Variants in MYO18B observed in about 807,000 individuals in gnomAD.
MYO18B encodes the protein myosin XVIIIB.
A neutral mutation model predicts 273.0 loss-of-function variants in MYO18B; 204 were observed. The observed-to-expected ratio is 0.75, with a 90% CI of 0.67 to 0.84. The LOEUF is 0.84. Ranked by LOEUF, MYO18B falls within the 40% of genes least tolerant of loss-of-function variation. The pLI is 0.00. For missense variants in MYO18B, 3,212 were observed against 3,287.6 expected, an observed-to-expected ratio of 0.98 and a Z score of 0.56; for synonymous variants, 1,330 against 1,305.7, an observed-to-expected ratio of 1.02 and a Z score of -0.40.
intron 12 of MYO18B, among the ~76,000 whole-genome samples, chr22:25,798,791 C>G (rs2088046851): frequency 6.6e-6 from 1 of 152,024 alleles, no homozygotes; most frequent in African/African-American, 2.4e-5. Context: ...TCTCAAACTC[C>G]TAGGCTCAAG....
chr22:25,940,276 A>T (rs144939133), intron 34 of MYO18B, among the ~76,000 whole-genome samples: 136 of 113,198 alleles, frequency 1.2e-3, no homozygotes, highest in African/African-American at 4.4e-3. Context: ...GTGATAGTGA[A>T]TAAGTCTCAC....
intron 39 of MYO18B, among the ~76,000 whole-genome samples, chr22:25,958,882 AC>A (rs2092885185): frequency 6.6e-6 from 1 of 152,186 alleles, no homozygotes; most frequent in African/African-American, 2.4e-5. Flanking sequence ...TCTCTAAACT[AC>A]ACTAAAATCC....
At chr22:25,979,272 A>G (rs2093125169) in intron 39 of MYO18B, among the ~76,000 whole-genome samples, 1 of 152,232 alleles carries the variant, frequency 6.6e-6, no homozygotes, top group Non-Finnish European at 1.5e-5. Flanking sequence ...ACCAGCTGGA[A>G]CAATGGCAGT....
chr22:25,974,613 G>A (rs535767675), intron 39 of MYO18B, among the ~76,000 whole-genome samples: 11 of 152,274 alleles, frequency 7.2e-5, no homozygotes, highest in Admixed American at 4.6e-4. Context: ...GAAAGAAGCC[G>A]CAGATAATGC....
rs1218941671 is a variant in MYO18B, at chr22:25,774,365, C to T, written c.1869+1855C>T. The stretch of plus-strand genomic sequence containing the variant: ...TGCTTAGGCTTCTGTTGCTGCAGCC[C>T]AAGGCCTCTGAGCTGTCCACATTGC... On this transcript the variant is annotated intron_variant, in intron 7 of 43. Coordinates refer to ENST00000335473, the MANE Select transcript of MYO18B (RefSeq NM_032608.7). Among the ~76,000 whole-genome samples, 3 of 152,190 alleles carry T rather than the reference C, an allele frequency of 2.0e-5. 1 individual carries two copies. Among genetic ancestry groups the T allele is most frequent in the Admixed American group, 2.0e-4 (3 of 15,288 alleles).
chr22:25,839,030 A>G lies in MYO18B; in HGVS notation c.3208+3587A>G, dbSNP rs561516094. 2.9e-4 allele frequency among the ~76,000 whole-genome samples: 44 copies of G among 151,556 alleles called. No homozygotes were observed. In the South Asian group the frequency reaches 8.9e-3, roughly 31 times the overall value. ...TATGTGTGTGTGCACCTGTGTGTGTATGTATGAGTGTATACATGTGTGTGC... is the reference window on the plus strand; with the variant it reads ...TATGTGTGTGTGCACCTGTGTGTGTGTGTATGAGTGTATACATGTGTGTGC... On this transcript the variant is annotated intron_variant, in intron 17 of 43. Transcript: ENST00000335473.
intron 34 of MYO18B, among the ~76,000 whole-genome samples, chr22:25,931,899 GTTGT>G (rs1230077645): frequency 3.4e-5 from 5 of 148,348 alleles, no homozygotes; most frequent in African/African-American, 1.3e-4. Flanking sequence ...AATTTTTGTT[GTTGT>G]TTGTTTGTTT....
intron 18 of MYO18B, 84 bp from the exon 19 acceptor site, chr22:25,846,016 G>C (rs971743071): frequency 8.0e-7 from 1 of 1,251,742 alleles, no homozygotes; most frequent in Non-Finnish European, 1.1e-6. Context: ...AAGCAAGAAG[G>C]CTTGTTCCCT....
At chr22:25,759,847 C>T (rs1375032610) in intron 1 of MYO18B, among the ~76,000 whole-genome samples, 3 of 152,110 alleles carry the variant, frequency 2.0e-5, no homozygotes, top group South Asian at 2.1e-4. Context: ...CTCTAGTTAT[C>T]GGACTTCATG....
chr22:25,891,514 A>G (rs2091661305), intron 27 of MYO18B, 102 bp downstream of exon 27: 1 of 733,190 alleles, frequency 1.4e-6, no homozygotes, highest in African/African-American at 1.8e-5. Flanking sequence ...TAGATATTGC[A>G]TGAGGGGCTG....
chr22:25,914,686 CTTTTTTTTTTTT>C (rs3070566), intron 33 of MYO18B, among the ~76,000 whole-genome samples: 12 of 50,824 alleles, frequency 2.4e-4, no homozygotes, highest in Non-Finnish European at 3.7e-4. Context: ...AGTTTTGACT[CTTTTTTTTTTTT>C]TTTTTTTTTT....
intron 1 of MYO18B, among the ~76,000 whole-genome samples, chr22:25,755,474 G>A (rs1364412907): frequency 6.6e-6 from 1 of 152,218 alleles, no homozygotes; most frequent in Non-Finnish European, 1.5e-5. Context: ...CCAAAGTGTT[G>A]GAGTTACAGG....
Position 25,760,878 on chromosome 22 carries a change from C to T in MYO18B, c.-109-106C>T, listed in dbSNP as rs1263574573. ...GTGTCTGTACCTGACTGTGCCCATT[C>T]CCCCATGTGGTCTTGGTTTATGGCG... On this transcript the variant is annotated intron_variant, in intron 1 of 43. Transcript: ENST00000335473. The T allele has an allele frequency of 8.3e-6, 5 of 605,144 alleles. No individual in the cohort carries two copies. The Admixed American group carries it at 1.4e-4, about 16-fold the overall frequency. The allele number at this position is 605,144 out of a possible 1,614,324, so 37.5% of individuals were successfully genotyped here. A position where few individuals can be genotyped will look rare whatever the true frequency, so the allele number is the denominator to read the frequency against.
At chr22:25,781,048 T>G (rs572472875) in intron 9 of MYO18B, among the ~76,000 whole-genome samples, 79 of 152,338 alleles carry the variant, frequency 5.2e-4, no homozygotes, top group Middle Eastern at 6.8e-3. Flanking sequence ...AACCCCTTCA[T>G]GCCAAATAAG....
the MYO18B span, among the ~76,000 whole-genome samples, chr22:26,036,860 A>G: frequency 1.1e-4 from 17 of 152,338 alleles, no homozygotes; most frequent in East Asian, 3.3e-3. Flanking sequence ...GTGATCAATT[A>G]AAGAGCAATT....
intron 34 of MYO18B, among the ~76,000 whole-genome samples, chr22:25,941,392 C>T (rs989628991): frequency 6.6e-6 from 1 of 152,202 alleles, no homozygotes; most frequent in African/African-American, 2.4e-5. Flanking sequence ...TAATTCTTCC[C>T]TGTCGCCTGT....
At chr22:25,901,412 G>A (rs533853616) in intron 29 of MYO18B, 11 of 152,270 alleles carry the variant, frequency 7.2e-5, no homozygotes, top group African/African-American at 1.9e-4. Flanking sequence ...ACTGCCAGGA[G>A]GCTGAGACAA....
intron 33 of MYO18B, 126 bp downstream of exon 33, chr22:25,911,176 C>G: frequency 1.4e-6 from 1 of 725,764 alleles, no homozygotes; most frequent in Non-Finnish European, 2.3e-6. Context: ...ACCATATTCA[C>G]TGGCTCTTCA....
intron 22 of MYO18B, among the ~76,000 whole-genome samples, chr22:25,868,973 A>G (rs759730344): frequency 6.6e-6 from 1 of 152,334 alleles, no homozygotes; most frequent in Non-Finnish European, 1.5e-5. Context: ...GGTGGGATAC[A>G]TGGTATTTAG....
Sources: allele counts gnomAD v4.1 joint callset (sites outside exome capture counted in the v4.1 genomes callset), GRCh38; gene constraint gnomAD v4.1.1; transcripts MANE v1.5; gene names NCBI Gene and HGNC (gene_info 2026-07-23, HGNC 2026-07-21).